The following EPHA6 variants were observed in gnomAD, a reference collection of about 807,000 sequenced individuals.
EPHA6 encodes EPH receptor A6, also known as ephrin type-A receptor 6.
Under a neutral mutation model 112.0 loss-of-function variants are expected in EPHA6, and 50 were observed. The ratio of observed to expected loss-of-function variants is 0.45; its 90% confidence interval spans 0.36 to 0.56. The LOEUF (loss-of-function observed/expected upper bound fraction) is 0.56, where lower values mean the gene tolerates loss of function less well. Among genes scored for constraint, EPHA6 ranks in the 20% least tolerant of loss-of-function variants. The probability of loss-of-function intolerance (pLI) is 0.00; values close to 1 mark genes in which losing one functional copy is unlikely to be tolerated. For synonymous variants in EPHA6, 529 were observed against 490.7 expected, an observed-to-expected ratio of 1.08 and a Z score of -1.03; for missense variants, 1,280 against 1,417.4, an observed-to-expected ratio of 0.90 and a Z score of 1.56.
chr3:96,847,635 T>G (rs1425540894), intron 1 of EPHA6, among the ~76,000 whole-genome samples: 1 of 152,098 alleles, frequency 6.6e-6, no homozygotes, highest in Non-Finnish European at 1.5e-5. Context: ...GATTCTAGGG[T>G]TGTAATCTTT....
intron 14 of EPHA6, among the ~76,000 whole-genome samples, chr3:97,671,004 G>T (rs1055072744): frequency 3.9e-5 from 6 of 152,094 alleles, no homozygotes; most frequent in Admixed American, 3.9e-4. Context: ...ATCTTCTAGA[G>T]AATCTAGATT....
intron 10 of EPHA6, among the ~76,000 whole-genome samples, chr3:97,505,922 T>G (rs928260109): frequency 6.6e-6 from 1 of 152,260 alleles, no homozygotes; most frequent in African/African-American, 2.4e-5. Flanking sequence ...TGATTTGCAT[T>G]TCTCTGATGG....
intron 14 of EPHA6, among the ~76,000 whole-genome samples, chr3:97,696,689 T>C (rs79449459): frequency 6.2e-4 from 94 of 152,236 alleles, no homozygotes; most frequent in Admixed American, 1.6e-3. Flanking sequence ...ATAATAATAA[T>C]TATAATAACT....
At chr3:97,022,757 T>A (rs549145213) in intron 3 of EPHA6, among the ~76,000 whole-genome samples, 43 of 152,208 alleles carry the variant, frequency 2.8e-4, no homozygotes, top group Non-Finnish European at 4.9e-4. Flanking sequence ...TAAGAGGTGT[T>A]CCACTTCTTG....
chr3:97,559,655 A>G (rs955901361), intron 11 of EPHA6: 9 of 455,222 alleles, frequency 2.0e-5, no homozygotes, highest in Non-Finnish European at 3.5e-5. Flanking sequence ...TAAAGAAGTA[A>G]ATCAAGGTAC....
chr3:97,235,963 A>C (rs1006357775), intron 4 of EPHA6, among the ~76,000 whole-genome samples: 4 of 152,224 alleles, frequency 2.6e-5, no homozygotes, highest in Non-Finnish European at 5.9e-5. Context: ...TATTTTAAAA[A>C]TTAGGAATAA....
chr3:97,031,699 CTCA>C (rs762578204), intron 3 of EPHA6, among the ~76,000 whole-genome samples: 321 of 152,276 alleles, frequency 2.1e-3, no homozygotes, highest in Middle Eastern at 6.8e-3. Context: ...TGAAAAATTG[CTCA>C]TCATCACTGG....
intron 2 of EPHA6, among the ~76,000 whole-genome samples, chr3:96,956,121 G>A (rs934591851): frequency 3.3e-5 from 5 of 152,114 alleles, no homozygotes; most frequent in Non-Finnish European, 7.4e-5. Flanking sequence ...AACATGAGAC[G>A]AAATTTTAGA....
intron 13 of EPHA6, among the ~76,000 whole-genome samples, chr3:97,618,379 G>A (rs1213208929): frequency 7.2e-5 from 11 of 151,920 alleles, no homozygotes; most frequent in Admixed American, 7.2e-4. Flanking sequence ...GACAGAACCA[G>A]GAGCAAACAA....
intron 2 of EPHA6, among the ~76,000 whole-genome samples, chr3:96,871,454 A>G (rs1399694806): frequency 6.6e-6 from 1 of 152,068 alleles, no homozygotes; most frequent in Non-Finnish European, 1.5e-5. Context: ...AGACTTCTAT[A>G]TAGACCATTT....
At chr3:97,126,203 T>C (rs2048177938) in intron 3 of EPHA6, among the ~76,000 whole-genome samples, 1 of 152,110 alleles carries the variant, frequency 6.6e-6, no homozygotes, top group African/African-American at 2.4e-5. Flanking sequence ...GACTTACTGA[T>C]TTAGACATAC....
intron 3 of EPHA6, among the ~76,000 whole-genome samples, chr3:97,153,257 T>A (rs1197393886): frequency 6.6e-6 from 1 of 152,084 alleles, no homozygotes; most frequent in East Asian, 1.9e-4. Flanking sequence ...ATATCACAAT[T>A]TTTTTCAAAG....
At chr3:97,223,460 G>A (rs887379868) in intron 3 of EPHA6, among the ~76,000 whole-genome samples, 1 of 152,168 alleles carries the variant, frequency 6.6e-6, no homozygotes, top group Non-Finnish European at 1.5e-5. Flanking sequence ...CCTGTTGTGG[G>A]AACAAGCTTG....
chr3:97,435,525 G>A (rs976986445), intron 6 of EPHA6, among the ~76,000 whole-genome samples: 1 of 152,138 alleles, frequency 6.6e-6, no homozygotes, highest in Non-Finnish European at 1.5e-5. Flanking sequence ...TTGAGCCAAT[G>A]TATTTACAAC....
chr3:97,250,867 T>C (rs890873607), intron 5 of EPHA6, among the ~76,000 whole-genome samples: 2 of 150,504 alleles, frequency 1.3e-5, no homozygotes, highest in African/African-American at 2.4e-5. Context: ...GATATTTTCT[T>C]TTTTTTTTTC....
intron 6 of EPHA6, chr3:97,447,716 A>G: frequency 1.0e-6 from 1 of 1,002,928 alleles, no homozygotes; most frequent in African/African-American, 1.7e-5. Context: ...CTGACTGTCT[A>G]GATCATCCAG....
chr3:96,890,414 G>C (rs2037886206), intron 2 of EPHA6, among the ~76,000 whole-genome samples: 1 of 152,058 alleles, frequency 6.6e-6, no homozygotes, highest in African/African-American at 2.4e-5. Context: ...CATATGAAAA[G>C]GAACTTAATC....
chr3:97,451,933 C>T (rs944922459), intron 7 of EPHA6, among the ~76,000 whole-genome samples: 1 of 151,860 alleles, frequency 6.6e-6, no homozygotes, highest in African/African-American at 2.4e-5. Context: ...GGAGTGATCT[C>T]ATTTGATGAT....
intron 14 of EPHA6, among the ~76,000 whole-genome samples, chr3:97,719,762 C>T (rs2034442435): frequency 6.6e-6 from 1 of 152,112 alleles, no homozygotes; most frequent in South Asian, 2.1e-4. Context: ...GTAATCATAG[C>T]AGATGTAAAG....
Sources: gnomAD v4.1 joint callset for allele counts (sites outside exome capture counted in the v4.1 genomes callset) on GRCh38, gnomAD v4.1.1 for gene constraint, MANE v1.5 for transcripts, NCBI Gene and HGNC (gene_info 2026-07-23, HGNC 2026-07-21) for gene names.